Variants in PPP1R12B observed in about 807,000 individuals in gnomAD.
PPP1R12B encodes the protein protein phosphatase 1 regulatory subunit 12B, also known as myosin phosphatase target subunit 2.
In PPP1R12B, 76 loss-of-function variants were observed where a neutral mutation model predicts 126.1. The ratio of observed to expected loss-of-function variants is 0.60; its 90% confidence interval spans 0.50 to 0.73. PPP1R12B has a LOEUF of 0.73. PPP1R12B is among the 30% of genes least tolerant of loss of function. The probability of loss-of-function intolerance (pLI) is 0.00; values close to 1 mark genes in which losing one functional copy is unlikely to be tolerated. For synonymous variants in PPP1R12B, 356 were observed against 434.7 expected (o/e 0.82, Z 2.25); for missense variants, 1,052 against 1,205.1 (o/e 0.87, Z 1.88).
At chr1:202,481,176 C>T (rs551824927) in intron 13 of PPP1R12B, among the ~76,000 whole-genome samples, 8 of 152,330 alleles carry the variant, frequency 5.3e-5, no homozygotes, top group Admixed American at 1.3e-4. Flanking sequence ...CTCACTTGCT[C>T]ACCTCCTGCT....
chr1:202,480,789 A>G (rs1677246428), intron 13 of PPP1R12B, among the ~76,000 whole-genome samples: 1 of 152,252 alleles, frequency 6.6e-6, no homozygotes, highest in South Asian at 2.1e-4. Context: ...TTTACAAATG[A>G]CTAATGAAGA....
intron 1 of PPP1R12B, among the ~76,000 whole-genome samples, chr1:202,368,987 T>C (rs1445735237): frequency 6.6e-6 from 1 of 152,226 alleles, no homozygotes; most frequent in East Asian, 1.9e-4. Context: ...AAAAGTATTG[T>C]GATTACAGGC....
rs1326976963 is a variant in PPP1R12B, at chr1:202,586,113, T to G, written c.*5553T>G. On this transcript the variant is annotated 3_prime_UTR_variant, in exon 24 of 24. Coordinates refer to ENST00000608999, the MANE Select transcript of PPP1R12B (RefSeq NM_002481.4). ...TTTGGACTTACCAGAAGTAGGAGGT[T>G]CTGATACCATTCAAGATGGTCTTTC... 1.3e-5 allele frequency: 2 copies of G among 152,240 alleles called. No individual in the cohort carries two copies. Among genetic ancestry groups the G allele is most frequent in the East Asian group, 1.9e-4 (1 of 5,204 alleles). 9.4% of individuals were successfully genotyped at this position (152,240 alleles called of 1,614,324 possible). A position where few individuals can be genotyped will look rare whatever the true frequency, so the allele number is the denominator to read the frequency against.
intron 18 of PPP1R12B, among the ~76,000 whole-genome samples, chr1:202,531,919 T>G (rs1342932436): frequency 3.3e-5 from 5 of 152,160 alleles, no homozygotes; most frequent in Admixed American, 1.3e-4. Flanking sequence ...CAAGAAAGAA[T>G]TCAGGGCAAG....
chr1:202,583,823 T>C lies in PPP1R12B; in HGVS notation c.*3263T>C, dbSNP rs1334847853. 1 of 152,182 alleles carries C rather than the reference T, an allele frequency of 6.6e-6. No homozygotes were observed. The highest frequency in any genetic ancestry group is 1.5e-5 in the Non-Finnish European group (1 of 68,048). The allele number at this position is 152,182 out of a possible 1,614,324, so 9.4% of individuals were successfully genotyped here. ...ATAGCTGCAGACATGGCCAACAACA[T>C]GGGGCTCAGGTCTGTCACTTAACTT... On this transcript the variant is annotated 3_prime_UTR_variant, in exon 24 of 24. Coordinates refer to ENST00000608999, the MANE Select transcript of PPP1R12B (RefSeq NM_002481.4).
chr1:202,466,387 C>T (rs1315354794), intron 13 of PPP1R12B, among the ~76,000 whole-genome samples: 4 of 152,032 alleles, frequency 2.6e-5, no homozygotes, highest in Non-Finnish European at 5.9e-5. Context: ...CTACCATAAC[C>T]TCTCTGATAT....
At chr1:202,454,400 C>T (rs1673361476) in intron 13 of PPP1R12B, among the ~76,000 whole-genome samples, 1 of 152,190 alleles carries the variant, frequency 6.6e-6, no homozygotes, top group South Asian at 2.1e-4. Flanking sequence ...GACTCATTCA[C>T]TGGATATGTT....
At chr1:202,558,043 T>C (rs1228771083) in intron 18 of PPP1R12B, among the ~76,000 whole-genome samples, 1 of 152,146 alleles carries the variant, frequency 6.6e-6, no homozygotes. Flanking sequence ...CCTCCTCTTG[T>C]CTGTCTTGAA....
At position 202,472,043 on chromosome 1, in the gene PPP1R12B, C is replaced by T. The variant is rs796433778; in HGVS notation, c.1851-16490C>T. On this transcript the variant is annotated intron_variant, in intron 13 of 23. Coordinates refer to ENST00000608999, the MANE Select transcript of PPP1R12B (RefSeq NM_002481.4). ...CCATGAAGTAGGAATTGGGGCTCTG[C>T]ACCAGGCGTTTCTTCTTGTGTTTCC... 30 of 1,594,770 alleles carry T rather than the reference C, an allele frequency of 1.9e-5. 2 individuals are homozygous for T. The South Asian group carries it at 3.2e-4, about 17-fold the overall frequency.
intron 13 of PPP1R12B, among the ~76,000 whole-genome samples, chr1:202,452,771 T>C (rs1248482784): frequency 6.6e-6 from 1 of 152,164 alleles, no homozygotes; most frequent in Non-Finnish European, 1.5e-5. Flanking sequence ...TATAAGATTA[T>C]CTATCTGCAA....
intron 14 of PPP1R12B, among the ~76,000 whole-genome samples, chr1:202,492,315 A>C (rs1355820127): frequency 6.6e-6 from 1 of 152,224 alleles, no homozygotes; most frequent in Non-Finnish European, 1.5e-5. Context: ...CAGAATGAGT[A>C]AGTAAATGAA....
chr1:202,348,921 C>T lies in PPP1R12B; in HGVS notation c.70C>T (p.Arg24Trp), dbSNP rs1481153313. The T allele has an allele frequency of 2.5e-6, 4 of 1,607,948 alleles. No homozygotes were observed. The African/African-American group carries it at 5.3e-5, about 21-fold the overall frequency. Residue 24 changes from arginine to tryptophan, a missense_variant, in exon 1 of 24, where the codon CGG (arginine) becomes TGG (tryptophan). Physicochemically the swap from Arg to Trp is moderately radical, Grantham distance 101 (BLOSUM62 -3). Transcript: ENST00000608999. Reference sequence around the variant, plus strand: ...GCGAATGCGGCGGGCAGAGCAGCTTCGGCGCTGGCGGGGCTCGCTGACAGA... The same window carrying T: ...GCGAATGCGGCGGGCAGAGCAGCTTTGGCGCTGGCGGGGCTCGCTGACAGA... Reference protein sequence around the residue: ...SARMRRAEQLRRWRGSLTEQE... With the variant: ...SARMRRAEQLWRWRGSLTEQE...
chr1:202,555,770 C>T (rs998506887), intron 18 of PPP1R12B, among the ~76,000 whole-genome samples: 1 of 152,090 alleles, frequency 6.6e-6, no homozygotes, highest in African/African-American at 2.4e-5. Flanking sequence ...ACTAAATGGT[C>T]TTCTAAATTA....
chr1:202,558,001 A>G (rs1687128714), intron 18 of PPP1R12B, among the ~76,000 whole-genome samples: 1 of 152,130 alleles, frequency 6.6e-6, no homozygotes, highest in African/African-American at 2.4e-5. Context: ...TTCATTATCC[A>G]TTTTGTAGAT....
intron 9 of PPP1R12B, among the ~76,000 whole-genome samples, chr1:202,436,737 C>T (rs1004912185): frequency 4.6e-5 from 7 of 152,006 alleles, no homozygotes; most frequent in Admixed American, 3.9e-4. Flanking sequence ...TCATTTTTAA[C>T]AAAATTGTGG....
At chr1:202,435,944 T>C (rs556796309) in intron 9 of PPP1R12B, among the ~76,000 whole-genome samples, 2 of 152,298 alleles carry the variant, frequency 1.3e-5, no homozygotes, top group Admixed American at 6.5e-5. Flanking sequence ...ATGCCTAGAC[T>C]TCCTACTTTT....
intron 18 of PPP1R12B, among the ~76,000 whole-genome samples, chr1:202,498,890 A>G (rs866817062): frequency 6.6e-6 from 1 of 152,196 alleles, no homozygotes; most frequent in African/African-American, 2.4e-5. Flanking sequence ...CAATAAAACT[A>G]TATCTGCTAT....
rs1668526771 is a variant in PPP1R12B, at chr1:202,419,795, T to C, written c.423-2825T>C. Among the ~76,000 whole-genome samples, 2 of 152,188 alleles carry C rather than the reference T, an allele frequency of 1.3e-5. No homozygotes were observed. Among genetic ancestry groups the C allele is most frequent in the Non-Finnish European group, 1.5e-5 (1 of 68,022 alleles). On this transcript the variant is annotated intron_variant, in intron 2 of 23. Transcript: ENST00000608999. The surrounding 1 kb of genome is among the most constrained non-coding windows in gnomAD (Gnocchi z 4.6). ...TTGTTGCTATTAACCAAAAACTATC[T>C]GAGGCAGGTCTCAATCAATTTAAAA... is the stretch of plus-strand genomic sequence containing the variant.
intron 18 of PPP1R12B, among the ~76,000 whole-genome samples, chr1:202,532,145 C>T (rs1179896294): frequency 6.6e-6 from 1 of 152,136 alleles, no homozygotes; most frequent in African/African-American, 2.4e-5. Context: ...GGGCAACTTC[C>T]TGATGTTGCC....
Sources: allele counts gnomAD v4.1 joint callset (sites outside exome capture counted in the v4.1 genomes callset), GRCh38; gene constraint gnomAD v4.1.1; non-coding constraint Gnocchi (gnomAD v3.1); transcripts MANE v1.5; gene names NCBI Gene and HGNC (gene_info 2026-07-23, HGNC 2026-07-21).